The following PLXNB1 variants were observed in gnomAD, a reference collection of about 807,000 sequenced individuals.
PLXNB1 encodes plexin B1.
A neutral mutation model predicts 209.4 loss-of-function variants in PLXNB1; 106 were observed. That is an observed-to-expected ratio of 0.51 (90% CI 0.43 to 0.59). PLXNB1 has a LOEUF of 0.59. Ranked by LOEUF, PLXNB1 falls within the 20% of genes least tolerant of loss-of-function variation. The pLI is 0.00. For synonymous variants in PLXNB1, 1,167 were observed against 1,183.2 expected, an observed-to-expected ratio of 0.99 and a Z score of 0.28; for missense variants, 2,357 against 2,853.2, an observed-to-expected ratio of 0.83 and a Z score of 3.96.
At position 48,414,896 on chromosome 3, in the gene PLXNB1, G is replaced by C. The variant is rs2037971305; in HGVS notation, c.4112C>G (p.Pro1371Arg). The C allele has an allele frequency of 1.2e-6, 2 of 1,614,074 alleles. No individual in the cohort carries two copies. The highest frequency in any genetic ancestry group is 1.7e-6 in the Non-Finnish European group (2 of 1,180,038). The change falls in exon 21 of 38, where the codon CCT (proline) becomes CGT (arginine). Residue 1371 changes from proline to arginine, a missense_variant. Coordinates refer to ENST00000296440, the MANE Select transcript of PLXNB1 (RefSeq NM_001130082.3). ...GGTGGGGTCGGCCTCATAGGAGAAA[G>C]GTGTGGGGTTCAGTGTTGCAAAGTC... is the stretch of plus-strand genomic sequence containing the variant. ...VFDFATLNPT[P>R]FSYEADPTLQ...
At chr3:48,427,622 G>A (rs1388628277) in intron 1 of PLXNB1, among the ~76,000 whole-genome samples, 1 of 152,080 alleles carries the variant, frequency 6.6e-6, no homozygotes, top group African/African-American at 2.4e-5. Flanking sequence ...TCTCCCACCC[G>A]ATCCATGCCA....
rs1441770173 is a variant in PLXNB1, at chr3:48,420,588, A to C, written c.2028+77T>G. 8 of 1,179,566 alleles carry C rather than the reference A, an allele frequency of 6.8e-6. 1 individual carries two copies. The highest frequency in any genetic ancestry group is 5.5e-4 in the Middle Eastern group (2 of 3,626). 73.1% of individuals were successfully genotyped at this position (1,179,566 alleles called of 1,614,324 possible). ...GACAGAGCCTCACATAGGCAGACAG[A>C]CCCCGGGCCATGAGAAAAACTCTCA... On this transcript the variant is annotated intron_variant, in intron 10 of 37. Transcript: ENST00000296440.
Position 48,414,850 on chromosome 3 carries a change from C to T in PLXNB1, c.4158G>A (p.Glu1386=). Residue 1386 remains glutamate, a synonymous_variant, in exon 21 of 38, where the codon GAG becomes GAA. Coordinates refer to ENST00000296440, the MANE Select transcript of PLXNB1 (RefSeq NM_001130082.3). The stretch of plus-strand genomic sequence containing the variant: ...TGTGCCGGAATGGCATGGTGGGGTC[C>T]TCAGGGTTGAGTGGCTGCAGGGTGG... The part of the protein sequence containing the change: ...ADPTLQPLNP[E]DPTMPFRHKP... 2 of 1,614,098 alleles carry T rather than the reference C, an allele frequency of 1.2e-6. No individual in the cohort carries two copies. Among genetic ancestry groups the T allele is most frequent in the South Asian group, 1.1e-5 (1 of 91,084 alleles).
At position 48,420,136 on chromosome 3, in the gene PLXNB1, G is replaced by C; in HGVS notation, c.2150C>G (p.Ser717Cys). The change falls in exon 11 of 38, where the codon TCC becomes TGC. Residue 717 changes from serine to cysteine, a missense_variant. Ser to Cys is a moderately radical substitution (Grantham distance 112). This residue lies in a region of PLXNB1 where 410 missense variants were observed against 401.0 expected (regional missense o/e 1.02). Transcript: ENST00000296440. ...TGAGATGTCCGAAGCTGTGGCTGTG[G>C]AGGGAGCCCCAGGCTCCACGGGAAG... ...DTLPVEPGAP[S>C]TATASDISPG... 1.2e-6 allele frequency: 2 copies of C among 1,612,384 alleles called. No individual in the cohort carries two copies. Among genetic ancestry groups the C allele is most frequent in the South Asian group, 1.1e-5 (1 of 90,802 alleles).
chr3:48,410,782 G>A lies in PLXNB1; in HGVS notation c.5416+86C>T, dbSNP rs760618917. ...CCTCCCAGCATCCTCCCCACCCTGA[G>A]TGATGAGTTGTCCCTGCAGAGTTGG... is the stretch of plus-strand genomic sequence containing the variant. On this transcript the variant is annotated intron_variant, in intron 29 of 37. Transcript: ENST00000296440. The surrounding 1 kb of genome is among the most constrained non-coding windows in gnomAD (Gnocchi z 6.4). 18 of 1,334,966 alleles carry A rather than the reference G, an allele frequency of 1.3e-5. No individual in the cohort carries two copies. The Admixed American group carries it at 3.4e-4, about 25-fold the overall frequency. 82.7% of individuals were successfully genotyped at this position (1,334,966 alleles called of 1,614,324 possible).
Position 48,421,929 on chromosome 3 carries a change from G to C in PLXNB1, c.1521-123C>G, listed in dbSNP as rs1046543696. 72 of 1,442,224 alleles carry C rather than the reference G, an allele frequency of 5.0e-5. 1 individual carries two copies. In the African/African-American group the frequency reaches 5.1e-4, roughly 10 times the overall value. 89.3% of individuals were successfully genotyped at this position (1,442,224 alleles called of 1,614,324 possible). The stretch of plus-strand genomic sequence containing the variant: ...TAGAGTGGGCATGATAGAGGCTCCT[G>C]TGTCTGCCCTGGCAGGGCACTGATG... On this transcript the variant is annotated intron_variant, in intron 6 of 37. Coordinates refer to ENST00000296440, the MANE Select transcript of PLXNB1 (RefSeq NM_001130082.3).
Position 48,416,432 on chromosome 3 carries a change from C to A in PLXNB1, c.3394G>T (p.Ala1132Ser). ...GCGCCGGCCACCTCCTCCCCACTGGCCCCGGTGATGCACACGAGGCTGTAG... is the reference window on the plus strand; with the variant it reads ...GCGCCGGCCACCTCCTCCCCACTGGACCCGGTGATGCACACGAGGCTGTAG... Reference protein sequence around the residue: ...VSSSLVCITGASGEEVAGATA... With the variant: ...VSSSLVCITGSSGEEVAGATA... The change falls in exon 17 of 38, where the codon GCC (alanine) becomes TCC (serine). Residue 1132 changes from alanine to serine, a missense_variant. By Grantham distance (99) the Ala-to-Ser change is moderately conservative. This residue lies in a region of PLXNB1 where 743 missense variants were observed against 896.2 expected (regional missense o/e 0.83). Coordinates refer to ENST00000296440, the MANE Select transcript of PLXNB1 (RefSeq NM_001130082.3). The surrounding 1 kb of genome is among the most constrained non-coding windows in gnomAD (Gnocchi z 4.1). The A allele has an allele frequency of 6.2e-7, 1 of 1,612,696 alleles. No individual in the cohort carries two copies. Among genetic ancestry groups the A allele is most frequent in the South Asian group, 1.1e-5 (1 of 91,034 alleles).
At chr3:48,422,042 G>A (rs1177336920) in intron 6 of PLXNB1, 63 bp downstream of exon 6, 6 of 1,462,682 alleles carry the variant, frequency 4.1e-6, no homozygotes, top group Non-Finnish European at 5.7e-6. Flanking sequence ...ATTCTGGACA[G>A]GACAATTATG....
In PLXNB1 at chr3:48,413,351, A is replaced by G. The variant is rs955803864; in HGVS notation, c.4536-182T>C. ...CGTCCCAAGCAAGTCACACACACCC[A>G]TGCCCCGTCTAGCCCAGCACAGTTT... On this transcript the variant is annotated intron_variant, in intron 23 of 37. Transcript: ENST00000296440. This position sits in a 1 kb window ranked among gnomAD's most constrained non-coding sequence, Gnocchi z 5.4. 7 of 625,020 alleles carry G rather than the reference A, an allele frequency of 1.1e-5. No homozygotes were observed. Among genetic ancestry groups the G allele is most frequent in the Middle Eastern group, 4.1e-4 (1 of 2,446 alleles). 38.7% of individuals were successfully genotyped at this position (625,020 alleles called of 1,614,324 possible). A position where few individuals can be genotyped will look rare whatever the true frequency, so the allele number is the denominator to read the frequency against.
In PLXNB1 at chr3:48,405,764, A is replaced by C; in HGVS notation, c.6263T>G (p.Leu2088Arg). Residue 2088 changes from leucine to arginine, a missense_variant, in exon 37 of 38, where the codon CTG becomes CGG. Transcript: ENST00000296440. The surrounding 1 kb of genome is among the most constrained non-coding windows in gnomAD (Gnocchi z 5.0). ...YSGDLGARVA[L>R]HELYKYINKY... Reference sequence around the variant, plus strand: ...GTTGATGTACTTGTAGAGTTCATGCAGGGCCACTCGCGCCCCGAGGTCTCC... The same window carrying C: ...GTTGATGTACTTGTAGAGTTCATGCCGGGCCACTCGCGCCCCGAGGTCTCC... 1 of 1,613,824 alleles carries C rather than the reference A, an allele frequency of 6.2e-7. No individual in the cohort carries two copies. The highest frequency in any genetic ancestry group is 1.3e-5 in the African/African-American group (1 of 75,048).
At chr3:48,414,373 G>A (rs887431547) in intron 21 of PLXNB1, among the ~76,000 whole-genome samples, 6 of 152,176 alleles carry the variant, frequency 3.9e-5, no homozygotes, top group African/African-American at 7.2e-5. Flanking sequence ...ACTCACCAGG[G>A]GGGTGATGAT....
chr3:48,422,821 T>C lies in PLXNB1; in HGVS notation c.1234A>G (p.Met412Val), dbSNP rs35216472. The C allele has an allele frequency of 1.9e-6, 3 of 1,614,012 alleles. No individual in the cohort carries two copies. In the African/African-American group the frequency reaches 4.0e-5, roughly 22 times the overall value. Residue 412 changes from methionine to valine, a missense_variant, in exon 4 of 38, where the codon ATG becomes GTG. Transcript: ENST00000296440. Reference sequence around the variant, plus strand: ...AAAGCGATGGTGTGTCCATCTTCCATGGTGACTGCCACAGCTGTTAGCTGA... The same window carrying C: ...AAAGCGATGGTGTGTCCATCTTCCACGGTGACTGCCACAGCTGTTAGCTGA... Reference protein sequence around the residue: ...GIQLTAVAVTMEDGHTIAFLG... With the variant: ...GIQLTAVAVTVEDGHTIAFLG...
In PLXNB1 at chr3:48,411,803, A is replaced by T. The variant is rs1267671987; in HGVS notation, c.5247+60T>A. On this transcript the variant is annotated intron_variant, in intron 28 of 37. Coordinates refer to ENST00000296440, the MANE Select transcript of PLXNB1 (RefSeq NM_001130082.3). This position sits in a 1 kb window ranked among gnomAD's most constrained non-coding sequence, Gnocchi z 4.0. ...GTGTCCAGACCCCACACACCCACAC[A>T]CTCTCCACCCTCGCCCTCACCGCAC... The T allele has an allele frequency of 1.9e-6, 3 of 1,576,794 alleles. No homozygotes were observed. Among genetic ancestry groups the T allele is most frequent in the Non-Finnish European group, 2.6e-6 (3 of 1,158,188 alleles).
Position 48,411,893 on chromosome 3 carries a change from C to A in PLXNB1, c.5217G>T (p.Leu1739=). The change falls in exon 28 of 38, where the codon CTG becomes CTT. Residue 1739 remains leucine (L), a synonymous_variant. Coordinates refer to ENST00000296440, the MANE Select transcript of PLXNB1 (RefSeq NM_001130082.3). This position sits in a 1 kb window ranked among gnomAD's most constrained non-coding sequence, Gnocchi z 4.0. Reference sequence around the variant, plus strand: ...GACGGTACTCCACATCCTCTCTGAGCAGGCGGTTGTCGTTCAAGGTGTATT... The same window carrying A: ...GACGGTACTCCACATCCTCTCTGAGAAGGCGGTTGTCGTTCAAGGTGTATT... ...KAKYTLNDNR[L]LREDVEYRPL... is the part of the protein sequence containing the mutation. The A allele has an allele frequency of 6.2e-7, 1 of 1,614,116 alleles. No individual in the cohort carries two copies. The highest frequency in any genetic ancestry group is 8.5e-7 in the Non-Finnish European group (1 of 1,179,986).
intron 1 of PLXNB1, among the ~76,000 whole-genome samples, chr3:48,426,331 C>T (rs1039111187): frequency 2.0e-5 from 3 of 152,226 alleles, no homozygotes; most frequent in African/African-American, 7.2e-5. Context: ...ACCACCTTCC[C>T]CAGTGGTCTC....
At position 48,418,171 on chromosome 3, in the gene PLXNB1, T is replaced by C. The variant is rs2038224313; in HGVS notation, c.3222+20A>G. The C allele has an allele frequency of 1.2e-6, 2 of 1,610,700 alleles. No homozygotes were observed. The highest frequency in any genetic ancestry group is 1.3e-5 in the African/African-American group (1 of 74,994). On this transcript the variant is annotated intron_variant, in intron 15 of 37. Transcript: ENST00000296440. The surrounding 1 kb of genome is among the most constrained non-coding windows in gnomAD (Gnocchi z 6.6). Reference sequence around the variant, plus strand: ...TCTAAGGGCAGCACTGAGGAAGGGATGGCCAGCCTTTCAACAAACCGAGTG... The same window carrying C: ...TCTAAGGGCAGCACTGAGGAAGGGACGGCCAGCCTTTCAACAAACCGAGTG...
In PLXNB1 at chr3:48,411,104, G is replaced by A; in HGVS notation, c.5248-68C>T. The A allele has an allele frequency of 4.2e-6, 6 of 1,420,106 alleles. No individual in the cohort carries two copies. The highest frequency in any genetic ancestry group is 2.4e-5 in the East Asian group (1 of 42,294). 88.0% of individuals were successfully genotyped at this position (1,420,106 alleles called of 1,614,324 possible). ...AGGATGACCAAGACACAGGCCAAGG[G>A]CAGAGACAACTCATGAGAAACTGCT... is the stretch of plus-strand genomic sequence containing the variant. On this transcript the variant is annotated intron_variant, in intron 28 of 37. Transcript: ENST00000296440. The surrounding 1 kb of genome is among the most constrained non-coding windows in gnomAD (Gnocchi z 4.0).
In PLXNB1 at chr3:48,417,395, T is replaced by C. The variant is rs1367110711; in HGVS notation, c.3374+516A>G. Among the ~76,000 whole-genome samples the C allele has an allele frequency of 2.6e-5, 4 of 152,192 alleles. No homozygotes were observed. The highest frequency in any genetic ancestry group is 2.0e-4 in the Admixed American group (3 of 15,276). ...TTGGGGCCTGCAACCGCTGGCCAGG[T>C]TACCATAACCCAGGAGCCCCAGGAA... On this transcript the variant is annotated intron_variant, in intron 16 of 37. Transcript: ENST00000296440. The surrounding 1 kb of genome is among the most constrained non-coding windows in gnomAD (Gnocchi z 4.4).
In PLXNB1 at chr3:48,421,687, T is replaced by C; in HGVS notation, c.1640A>G (p.Glu547Gly). ...CTGATCATTCACCTCCCTCGTCTCC[T>C]CTCGGCTGATGTTGGCAGGACTCAT... ...AAMSPANISREETREVFLSVP... is the reference protein window; with the variant it reads ...AAMSPANISRGETREVFLSVP... Residue 547 changes from glutamate to glycine, a missense_variant, in exon 7 of 38, where the codon GAG becomes GGG. Physicochemically the swap from Glu to Gly is moderately conservative, Grantham distance 98. Transcript: ENST00000296440. The C allele has an allele frequency of 6.2e-7, 1 of 1,605,204 alleles. No homozygotes were observed. Among genetic ancestry groups the C allele is most frequent in the African/African-American group, 1.3e-5 (1 of 74,860 alleles).
Sources: allele counts gnomAD v4.1 joint callset (sites outside exome capture counted in the v4.1 genomes callset), GRCh38; gene constraint gnomAD v4.1.1; regional missense constraint gnomAD v4.1.1; non-coding constraint Gnocchi (gnomAD v3.1); transcripts MANE v1.5; gene names NCBI Gene and HGNC (gene_info 2026-07-23, HGNC 2026-07-21).